C16orf96: variants seen among roughly 807,000 people sequenced by gnomAD.
C16orf96 encodes uncharacterized protein C16orf96.
A neutral mutation model predicts 103.6 loss-of-function variants in C16orf96; 108 were observed. The observed-to-expected ratio is 1.04, with a 90% CI of 0.89 to 1.22. The LOEUF is 1.22. Ranked by LOEUF, C16orf96 falls within the 50% of genes most tolerant of loss-of-function variation. The pLI is 0.00. For synonymous variants in C16orf96, 566 were observed against 593.5 expected (o/e 0.95, Z 0.67); for missense variants, 1,586 against 1,464.2 (o/e 1.08, Z -1.36).
the C16orf96 span, among the ~76,000 whole-genome samples, chr16:4,547,759 C>T: frequency 1.4e-5 from 2 of 145,694 alleles, no homozygotes; most frequent in Non-Finnish European, 3.0e-5. Context: ...TCCTTCCTCC[C>T]TCCCTCTCTC....
chr16:4,589,004 C>T (rs965771046), intron 9 of C16orf96, among the ~76,000 whole-genome samples: 3 of 152,080 alleles, frequency 2.0e-5, no homozygotes, highest in Non-Finnish European at 4.4e-5. Context: ...GGCTGTGACT[C>T]CTCTAGACAC....
intron 5 of C16orf96, among the ~76,000 whole-genome samples, chr16:4,577,466 C>G (rs374786681): frequency 2.0e-5 from 3 of 150,672 alleles, no homozygotes; most frequent in East Asian, 4.0e-4. Context: ...CTGGCTGACA[C>G]GGTGAAACCC....
chr16:4,545,829 A>C, the C16orf96 span, among the ~76,000 whole-genome samples: 1 of 152,016 alleles, frequency 6.6e-6, no homozygotes. Context: ...ATTACTGTCC[A>C]GCTCTGGTTT....
chr16:4,586,415 G>T (rs1029498037), intron 7 of C16orf96, among the ~76,000 whole-genome samples: 1 of 152,182 alleles, frequency 6.6e-6, no homozygotes, highest in Non-Finnish European at 1.5e-5. Context: ...AAGCGTGAGC[G>T]GGACACCCGA....
In C16orf96 at chr16:4,576,571, C is replaced by T. The variant is rs114312438; in HGVS notation, c.2091C>T (p.His697=). ...ACATAGCCCAGATACCTGTCAAACACGACTCTCTGAAGGAAGAATTTGCCC... is the reference window on the plus strand; with the variant it reads ...ACATAGCCCAGATACCTGTCAAACATGACTCTCTGAAGGAAGAATTTGCCC... ...MSHIAQIPVK[H]DSLKEEFAQL... is the part of the protein sequence containing the mutation. Residue 697 remains histidine, a synonymous_variant, in exon 5 of 16, where the codon CAC becomes CAT. Transcript: ENST00000444310. 40 of 1,551,566 alleles carry T rather than the reference C, an allele frequency of 2.6e-5. No homozygotes were observed. The Middle Eastern group carries it at 6.7e-4, about 26-fold the overall frequency.
chr16:4,577,823 G>A (rs906534346), intron 5 of C16orf96, among the ~76,000 whole-genome samples: 3 of 152,188 alleles, frequency 2.0e-5, no homozygotes, highest in Non-Finnish European at 2.9e-5. Context: ...AGGCTTGATA[G>A]TGCGCGCCTG....
the C16orf96 span, among the ~76,000 whole-genome samples, chr16:4,543,600 C>T: frequency 6.6e-6 from 1 of 152,124 alleles, no homozygotes; most frequent in East Asian, 1.9e-4. Context: ...GCTGCGATTA[C>T]AGGCATGAGT....
At chr16:4,545,428 G>A in the C16orf96 span, among the ~76,000 whole-genome samples, 1 of 152,200 alleles carries the variant, frequency 6.6e-6, no homozygotes. Flanking sequence ...CTGAGCTCAA[G>A]CGATCCTTGT....
intron 5 of C16orf96, among the ~76,000 whole-genome samples, chr16:4,577,922 C>T (rs917729725): frequency 1.1e-4 from 16 of 151,996 alleles, no homozygotes; most frequent in African/African-American, 2.9e-4. Flanking sequence ...GTGCCACTCC[C>T]GCCTGGGCGA....
Position 4,600,436 on chromosome 16 carries a change from C to A in C16orf96, c.*119C>A. The A allele has an allele frequency of 1.6e-6, 1 of 617,044 alleles. No individual in the cohort carries two copies. Among genetic ancestry groups the A allele is most frequent in the Non-Finnish European group, 2.8e-6 (1 of 358,558 alleles). The allele number at this position is 617,044 out of a possible 1,614,324, so 38.2% of individuals were successfully genotyped here. ...ATCGGAGGCTGAGGCCTATGTGGCC[C>A]CCCACCCCCACCCCCACCAAGTCCC... On this transcript the variant is annotated 3_prime_UTR_variant, in exon 16 of 16. Coordinates refer to ENST00000444310, the MANE Select transcript of C16orf96 (RefSeq NM_001145011.2).
intron 1 of C16orf96, among the ~76,000 whole-genome samples, chr16:4,563,550 CCT>C (rs2059354953): frequency 6.6e-6 from 1 of 151,822 alleles, no homozygotes; most frequent in African/African-American, 2.4e-5. Flanking sequence ...CTGCGCCCAC[CCT>C]CTGTTAACCT....
At chr16:4,543,539 G>A in the C16orf96 span, among the ~76,000 whole-genome samples, 1 of 152,058 alleles carries the variant, frequency 6.6e-6, no homozygotes, top group Non-Finnish European at 1.5e-5. Flanking sequence ...TTGCCAGGCT[G>A]GTCTTGAACT....
At chr16:4,546,210 G>C in the C16orf96 span, among the ~76,000 whole-genome samples, 2 of 149,320 alleles carry the variant, frequency 1.3e-5, no homozygotes, top group African/African-American at 4.9e-5. Context: ...CCAGGCTGGA[G>C]TGCAGTGGTG....
intron 14 of C16orf96, among the ~76,000 whole-genome samples, chr16:4,597,287 A>G (rs1436825709): frequency 6.6e-6 from 1 of 151,804 alleles, no homozygotes; most frequent in Non-Finnish European, 1.5e-5. Flanking sequence ...TATTTAATGA[A>G]CCCCGACTTC....
chr16:4,587,444 C>G (rs1012682321), intron 8 of C16orf96, among the ~76,000 whole-genome samples: 9 of 149,634 alleles, frequency 6.0e-5, no homozygotes, highest in African/African-American at 2.0e-4. Context: ...AGGAGAATCA[C>G]TTGAACCTGG....
chr16:4,575,251 G>T lies in C16orf96; in HGVS notation c.771G>T (p.Lys257Asn). ...LPEAALAQTTKYLEATRAIQV... is the reference protein window; with the variant it reads ...LPEAALAQTTNYLEATRAIQV... Reference sequence around the variant, plus strand: ...AGGCTGCCCTGGCCCAGACCACCAAGTACCTTGAAGCTACTCGTGCCATCC... The same window carrying T: ...AGGCTGCCCTGGCCCAGACCACCAATTACCTTGAAGCTACTCGTGCCATCC... Residue 257 changes from lysine to asparagine, a missense_variant, in exon 5 of 16, where the codon AAG becomes AAT. Lys to Asn is a moderately conservative substitution (Grantham distance 94). Coordinates refer to ENST00000444310, the MANE Select transcript of C16orf96 (RefSeq NM_001145011.2). 1 of 1,549,496 alleles carries T rather than the reference G, an allele frequency of 6.5e-7. No homozygotes were observed. Among genetic ancestry groups the T allele is most frequent in the Non-Finnish European group, 8.7e-7 (1 of 1,146,962 alleles).
At chr16:4,549,330 A>G in the C16orf96 span, among the ~76,000 whole-genome samples, 413 of 152,084 alleles carry the variant, frequency 2.7e-3, 4 homozygotes, top group African/African-American at 9.6e-3. Context: ...AAAATTAGCC[A>G]GGCGTGGTGG....
intron 14 of C16orf96, among the ~76,000 whole-genome samples, chr16:4,597,820 G>C (rs1897205312): frequency 6.6e-6 from 1 of 152,176 alleles, no homozygotes; most frequent in Non-Finnish European, 1.5e-5. Context: ...GCCTCCCAAA[G>C]TGCTGGGATT....
upstream of C16orf96, among the ~76,000 whole-genome samples, chr16:4,554,778 G>A (rs974904885): frequency 9.9e-5 from 15 of 151,792 alleles, no homozygotes; most frequent in African/African-American, 2.4e-4. Flanking sequence ...TCAGCCTCCC[G>A]AGTAGCTGAC....
Sources: gnomAD v4.1 joint callset for allele counts (sites outside exome capture counted in the v4.1 genomes callset) on GRCh38, gnomAD v4.1.1 for gene constraint, MANE v1.5 for transcripts, NCBI Gene and HGNC (gene_info 2026-07-23, HGNC 2026-07-21) for gene names.